CDH13: variants seen among roughly 807,000 people sequenced by gnomAD.
CDH13 encodes the protein cadherin-13.
Under a neutral mutation model 63.8 loss-of-function variants are expected in CDH13, and 24 were observed. The ratio of observed to expected loss-of-function variants is 0.38; its 90% CI spans 0.27 to 0.53. The LOEUF (loss-of-function observed/expected upper bound fraction) is 0.53, where lower values mean the gene tolerates loss of function less well. CDH13 is among the 20% of genes least tolerant of loss of function. The pLI is 0.85. For missense variants in CDH13, 1,049 were observed against 903.1 expected, an observed-to-expected ratio of 1.16 and a Z score of -2.07; for synonymous variants, 503 against 355.3, an observed-to-expected ratio of 1.42 and a Z score of -4.67.
intron 2 of CDH13, among the ~76,000 whole-genome samples, chr16:82,968,282 C>T (rs1265405650): frequency 6.6e-6 from 1 of 152,188 alleles, no homozygotes; most frequent in African/African-American, 2.4e-5. Context: ...TTTATTGCTT[C>T]ACTTAAAATC....
chr16:82,719,918 A>G (rs1338676400), intron 1 of CDH13, among the ~76,000 whole-genome samples: 1 of 152,084 alleles, frequency 6.6e-6, no homozygotes, highest in Non-Finnish European at 1.5e-5. Flanking sequence ...AGGTTCTTGA[A>G]AACTGTGACT....
intron 5 of CDH13, among the ~76,000 whole-genome samples, chr16:83,262,066 G>T (rs1907062001): frequency 6.6e-6 from 1 of 152,192 alleles, no homozygotes; most frequent in African/African-American, 2.4e-5. Context: ...ACACTGAGAA[G>T]TTACCAAATG....
chr16:83,676,234 A>G lies in CDH13; in HGVS notation c.1285-1974A>G, dbSNP rs368226948. ...GGCTGGATTCCCCAGAAACCCCACT[A>G]TCCTCCTGCTTGTGCATACGTCTCC... On this transcript the variant is annotated intron_variant, in intron 9 of 13. Transcript: ENST00000567109. Among the ~76,000 whole-genome samples the G allele has an allele frequency of 8.5e-5, 13 of 152,308 alleles. No homozygotes were observed. The South Asian group carries it at 1.2e-3, about 15-fold the overall frequency.
intron 2 of CDH13, among the ~76,000 whole-genome samples, chr16:82,892,709 T>C (rs1177538863): frequency 6.6e-6 from 1 of 152,234 alleles, no homozygotes; most frequent in African/African-American, 2.4e-5. Flanking sequence ...GAGAAACAAC[T>C]ATTTGAAATG....
At chr16:83,425,884 G>T (rs2071879541) in intron 6 of CDH13, among the ~76,000 whole-genome samples, 1 of 151,708 alleles carries the variant, frequency 6.6e-6, no homozygotes. Flanking sequence ...GCCCAGCACT[G>T]TTCTAGGCAC....
chr16:83,309,202 C>G (rs1325598562), intron 5 of CDH13, among the ~76,000 whole-genome samples: 1 of 152,164 alleles, frequency 6.6e-6, no homozygotes, highest in East Asian at 1.9e-4. Context: ...CGAGTGCTTG[C>G]CTACCAGTGG....
chr16:83,002,263 G>C (rs1913017609), intron 2 of CDH13, among the ~76,000 whole-genome samples: 2 of 152,316 alleles, frequency 1.3e-5, no homozygotes, highest in East Asian at 3.9e-4. Flanking sequence ...GCTTTTAAGA[G>C]ACACACAGAG....
At chr16:83,435,472 T>C (rs1291726760) in intron 6 of CDH13, among the ~76,000 whole-genome samples, 1 of 152,182 alleles carries the variant, frequency 6.6e-6, no homozygotes, top group African/African-American at 2.4e-5. Context: ...TCTGATGTGG[T>C]CCAGCCCTGC....
At chr16:82,799,737 T>C (rs1017059312) in intron 1 of CDH13, among the ~76,000 whole-genome samples, 1 of 152,222 alleles carries the variant, frequency 6.6e-6, no homozygotes, top group Non-Finnish European at 1.5e-5. Flanking sequence ...AAAAAATATA[T>C]TTGTGCTTTT....
At chr16:82,932,281 G>A (rs1371937189) in intron 2 of CDH13, among the ~76,000 whole-genome samples, 1 of 152,178 alleles carries the variant, frequency 6.6e-6, no homozygotes, top group Non-Finnish European at 1.5e-5. Context: ...AGATTCAAAT[G>A]TAGCTGGGCA....
chr16:82,646,623 G>T (rs868796371), intron 1 of CDH13, among the ~76,000 whole-genome samples: 3 of 152,192 alleles, frequency 2.0e-5, no homozygotes, highest in Admixed American at 1.3e-4. Flanking sequence ...TTTCTTACCT[G>T]TCTTCTATGA....
At chr16:83,423,044 A>G (rs1005748674) in intron 6 of CDH13, among the ~76,000 whole-genome samples, 3 of 152,212 alleles carry the variant, frequency 2.0e-5, no homozygotes, top group African/African-American at 7.2e-5. Flanking sequence ...CTAATTCTGT[A>G]CATGTCTTTC....
chr16:82,930,358 A>G (rs1156696966), intron 2 of CDH13, among the ~76,000 whole-genome samples: 1 of 152,140 alleles, frequency 6.6e-6, no homozygotes, highest in African/African-American at 2.4e-5. Context: ...ACTGTAATAG[A>G]TCAACAGCTA....
At chr16:83,001,750 A>G (rs1369134955) in intron 2 of CDH13, among the ~76,000 whole-genome samples, 1 of 152,172 alleles carries the variant, frequency 6.6e-6, no homozygotes, top group East Asian at 1.9e-4. Context: ...TGTAAAGGAT[A>G]TTTTGTGCAT....
intron 4 of CDH13, among the ~76,000 whole-genome samples, chr16:83,213,234 AC>A (rs1265137848): frequency 2.0e-5 from 3 of 152,130 alleles, no homozygotes; most frequent in African/African-American, 7.2e-5. Context: ...TTGTGTCTGT[AC>A]CACCAAGTGG....
At chr16:82,976,493 A>G (rs184414806) in intron 2 of CDH13, among the ~76,000 whole-genome samples, 198 of 152,206 alleles carry the variant, frequency 1.3e-3, no homozygotes, top group Non-Finnish European at 2.2e-3. Context: ...TATCCTCATC[A>G]TAGATTAAAA....
chr16:83,429,978 C>T (rs2072045912), intron 6 of CDH13, among the ~76,000 whole-genome samples: 1 of 152,168 alleles, frequency 6.6e-6, no homozygotes, highest in African/African-American at 2.4e-5. Flanking sequence ...TGGCAACCAC[C>T]ATTCCCCTCT....
chr16:83,232,253 G>C (rs369082530), intron 5 of CDH13, among the ~76,000 whole-genome samples: 1 of 136,904 alleles, frequency 7.3e-6, no homozygotes, highest in African/African-American at 2.8e-5. Context: ...GGCTGGGCAC[G>C]GTGGCTCATG....
chr16:82,769,100 G>A (rs181528098), intron 1 of CDH13, among the ~76,000 whole-genome samples: 5 of 152,158 alleles, frequency 3.3e-5, no homozygotes, highest in Admixed American at 6.5e-5. Flanking sequence ...TGTTGTCTTC[G>A]ATGAGTCTAA....
Sources: gnomAD v4.1 joint callset for allele counts (sites outside exome capture counted in the v4.1 genomes callset) on GRCh38, gnomAD v4.1.1 for gene constraint, MANE v1.5 for transcripts, NCBI Gene and HGNC (gene_info 2026-07-23, HGNC 2026-07-21) for gene names.